MACROD2: variants seen among roughly 807,000 people sequenced by gnomAD.
MACROD2 encodes ADP-ribose glycohydrolase MACROD2.
A neutral mutation model predicts 70.4 loss-of-function variants in MACROD2; 36 were observed. The observed-to-expected ratio is 0.51, with a 90% confidence interval of 0.39 to 0.68. The LOEUF (loss-of-function observed/expected upper bound fraction) is 0.68. MACROD2 is among the 30% of genes least tolerant of loss of function. MACROD2 has a pLI of 0.00. For missense variants in MACROD2, 496 were observed against 538.4 expected, an observed-to-expected ratio of 0.92 and a Z score of 0.78; for synonymous variants, 172 against 178.8, an observed-to-expected ratio of 0.96 and a Z score of 0.30.
intron 5 of MACROD2, among the ~76,000 whole-genome samples, chr20:14,900,543 GTCTT>G (rs1186115472): frequency 6.7e-6 from 1 of 149,446 alleles, no homozygotes; most frequent in Non-Finnish European, 1.5e-5. Flanking sequence ...AGTAGTTTGC[GTCTT>G]TCTGAGATTT....
intron 3 of MACROD2, among the ~76,000 whole-genome samples, chr20:14,255,507 G>A (rs968848322): frequency 1.1e-4 from 16 of 151,590 alleles, no homozygotes; most frequent in Non-Finnish European, 2.2e-4. Context: ...GACACAGGAA[G>A]GGGAACATCA....
intron 3 of MACROD2, among the ~76,000 whole-genome samples, chr20:14,399,084 A>C (rs2083610840): frequency 6.7e-6 from 1 of 149,106 alleles, no homozygotes; most frequent in Non-Finnish European, 1.5e-5. Context: ...CAGTGGCACG[A>C]TCTCAGCTCA....
intron 3 of MACROD2, among the ~76,000 whole-genome samples, chr20:14,427,407 T>C (rs1440295641): frequency 6.6e-6 from 1 of 151,818 alleles, no homozygotes; most frequent in African/African-American, 2.4e-5. Context: ...TCTTCTACTT[T>C]CCTCATGATT....
At chr20:15,344,493 G>T (rs1010945546) in intron 6 of MACROD2, among the ~76,000 whole-genome samples, 1 of 152,160 alleles carries the variant, frequency 6.6e-6, no homozygotes, top group Non-Finnish European at 1.5e-5. Context: ...GGGTTTGACC[G>T]CTCAAATGTA....
intron 5 of MACROD2, among the ~76,000 whole-genome samples, chr20:14,981,859 G>C (rs1054521179): frequency 6.6e-6 from 1 of 150,496 alleles, no homozygotes; most frequent in Non-Finnish European, 1.5e-5. Flanking sequence ...GTAGAGTAGG[G>C]TGTTGCTGAA....
chr20:14,758,123 A>C, intron 5 of MACROD2: 1 of 357,768 alleles, frequency 2.8e-6, no homozygotes, highest in East Asian at 5.2e-5. Context: ...AAAAAAGAAA[A>C]AATCTAAACC....
At chr20:14,423,288 G>A (rs1482140756) in intron 3 of MACROD2, among the ~76,000 whole-genome samples, 2 of 151,700 alleles carry the variant, frequency 1.3e-5, no homozygotes, top group Admixed American at 6.6e-5. Flanking sequence ...TTAGGCAATT[G>A]CTTGTTTGCT....
At chr20:14,343,576 A>G (rs968433465) in intron 3 of MACROD2, among the ~76,000 whole-genome samples, 1 of 152,230 alleles carries the variant, frequency 6.6e-6, no homozygotes, top group Non-Finnish European at 1.5e-5. Flanking sequence ...ACTAATGTCA[A>G]ATTGAACTGT....
At chr20:14,231,290 G>A (rs1455131922) in intron 3 of MACROD2, among the ~76,000 whole-genome samples, 2 of 151,178 alleles carry the variant, frequency 1.3e-5, no homozygotes, top group Non-Finnish European at 2.9e-5. Context: ...CCTCCCCACT[G>A]CCCCCACCCC....
At chr20:15,053,011 A>T (rs1315112218) in intron 5 of MACROD2, among the ~76,000 whole-genome samples, 1 of 152,238 alleles carries the variant, frequency 6.6e-6, no homozygotes, top group African/African-American at 2.4e-5. Flanking sequence ...ACCAAACCCT[A>T]ATCCAGAGCA....
intron 4 of MACROD2, among the ~76,000 whole-genome samples, chr20:14,659,795 A>T (rs1411297636): frequency 1.3e-5 from 2 of 152,174 alleles, no homozygotes; most frequent in African/African-American, 4.8e-5. Flanking sequence ...ACAAAATTAT[A>T]TATAAAATAT....
At chr20:14,214,872 A>T (rs943935246) in intron 3 of MACROD2, among the ~76,000 whole-genome samples, 5 of 151,720 alleles carry the variant, frequency 3.3e-5, no homozygotes, top group African/African-American at 1.2e-4. Context: ...TCCATTCCTG[A>T]GTTACTTCAC....
At chr20:14,133,437 T>C (rs181602430) in intron 3 of MACROD2, among the ~76,000 whole-genome samples, 12 of 152,298 alleles carry the variant, frequency 7.9e-5, no homozygotes, top group Admixed American at 3.9e-4. Context: ...CAGTGGGACA[T>C]AGAGGTAAAG....
intron 5 of MACROD2, among the ~76,000 whole-genome samples, chr20:14,817,969 C>T (rs1221544035): frequency 6.6e-6 from 1 of 152,094 alleles, no homozygotes; most frequent in Admixed American, 6.6e-5. Flanking sequence ...CACACTGAAG[C>T]AGTAACAGCT....
chr20:15,787,717 C>CT (rs1459321426), intron 8 of MACROD2, among the ~76,000 whole-genome samples: 3 of 151,932 alleles, frequency 2.0e-5, no homozygotes, highest in Non-Finnish European at 4.4e-5. Flanking sequence ...TAAAAATCTT[C>CT]TTTTTTAAAA....
chr20:15,655,625 A>G (rs2049719103), intron 8 of MACROD2, among the ~76,000 whole-genome samples: 1 of 152,212 alleles, frequency 6.6e-6, no homozygotes, highest in South Asian at 2.1e-4. Context: ...AAAAATGTAT[A>G]TAGGAAAAGA....
intron 6 of MACROD2, among the ~76,000 whole-genome samples, chr20:15,397,319 A>G (rs537155165): frequency 3.9e-5 from 6 of 151,998 alleles, no homozygotes; most frequent in African/African-American, 1.2e-4. Flanking sequence ...TTTTGAGATA[A>G]GAGTCTCACT....
Position 16,049,860 on chromosome 20 carries a change from G to A in MACROD2, c.1331G>A (p.Arg444Lys), listed in dbSNP as rs772658447. The A allele has an allele frequency of 7.7e-6, 12 of 1,554,242 alleles. No homozygotes were observed. The highest frequency in any genetic ancestry group is 1.4e-5 in the African/African-American group (1 of 71,672). Reference protein sequence around the residue: ...AGAQDEAKEQRNGTK With the variant: ...AGAQDEAKEQKNGTK ...GCACAAGATGAAGCGAAGGAACAAAGAAATGGAACTAAATGACAATCCTCA... is the reference window on the plus strand; with the variant it reads ...GCACAAGATGAAGCGAAGGAACAAAAAAATGGAACTAAATGACAATCCTCA... Residue 444 changes from arginine to lysine, a missense_variant, in exon 18 of 18, where the codon AGA becomes AAA. By Grantham distance (26) the Arg-to-Lys change is conservative (BLOSUM62 2). Coordinates refer to ENST00000684519, the MANE Select transcript of MACROD2 (RefSeq NM_001351661.2).
intron 8 of MACROD2, among the ~76,000 whole-genome samples, chr20:15,529,292 C>CTG (rs56136161): frequency 0.081 from 12,094 of 149,204 alleles, 517 homozygotes; most frequent in South Asian, 0.15. Flanking sequence ...GTGTGCATGC[C>CTG]TGTGTGTGTG....
Sources: gnomAD v4.1 joint callset for allele counts (sites outside exome capture counted in the v4.1 genomes callset) on GRCh38, gnomAD v4.1.1 for gene constraint, MANE v1.5 for transcripts, NCBI Gene and HGNC (gene_info 2026-07-23, HGNC 2026-07-21) for gene names.